NUP210L: variants seen among roughly 807,000 people sequenced by gnomAD.
The protein encoded by NUP210L is nuclear pore membrane glycoprotein 210-like.
In NUP210L, 74 loss-of-function variants were observed where a neutral mutation model predicts 208.5. That is an observed-to-expected ratio of 0.35 (90% confidence interval 0.29 to 0.43). The LOEUF (loss-of-function observed/expected upper bound fraction) is 0.43. Ranked by LOEUF, NUP210L falls within the 20% of genes least tolerant of loss-of-function variation. NUP210L has a pLI of 1.00. For missense variants in NUP210L, 1,843 were observed against 2,289.4 expected (o/e 0.81, Z 3.98); for synonymous variants, 780 against 816.9 (o/e 0.95, Z 0.77).
At chr1:154,134,491 A>G (rs1432512661) in intron 7 of NUP210L, among the ~76,000 whole-genome samples, 2 of 143,484 alleles carry the variant, frequency 1.4e-5, no homozygotes, top group East Asian at 4.1e-4. Context: ...TAATCCCAGC[A>G]CTTTGGGAGG....
intron 37 of NUP210L, among the ~76,000 whole-genome samples, chr1:154,000,019 C>G (rs1212711010): frequency 6.6e-6 from 1 of 151,584 alleles, no homozygotes; most frequent in African/African-American, 2.4e-5. Flanking sequence ...TTTGTTGATA[C>G]AGAGTTTTGC....
chr1:154,060,810 TTA>T, intron 19 of NUP210L, 130 bp downstream of exon 19: 2 of 745,360 alleles, frequency 2.7e-6, no homozygotes, highest in Admixed American at 2.7e-5. Context: ...AGTGCAACTA[TTA>T]TATATGTGTT....
chr1:154,117,746 G>A (rs1262360582), exon 12 of NUP210L: 1 of 1,562,734 alleles, frequency 6.4e-7, no homozygotes, highest in Non-Finnish European at 8.7e-7. Flanking sequence ...CATATCGAAA[G>A]GGATTTTGTA....
chr1:154,132,908 T>A (rs930674807), intron 7 of NUP210L, among the ~76,000 whole-genome samples: 1 of 152,206 alleles, frequency 6.6e-6, no homozygotes, highest in Non-Finnish European at 1.5e-5. Flanking sequence ...CTTTCAAGTC[T>A]GATAGAATTT....
chr1:154,121,252 A>G (rs952938582), intron 10 of NUP210L, among the ~76,000 whole-genome samples: 1 of 152,140 alleles, frequency 6.6e-6, no homozygotes, highest in Non-Finnish European at 1.5e-5. Flanking sequence ...TACAGGTAAT[A>G]ATTTAAACAG....
At chr1:154,072,784 G>T (rs1456178093) in intron 16 of NUP210L, among the ~76,000 whole-genome samples, 1 of 152,088 alleles carries the variant, frequency 6.6e-6, no homozygotes, top group Non-Finnish European at 1.5e-5. Context: ...GATGGATCAA[G>T]GACTAAAATC....
intron 10 of NUP210L, among the ~76,000 whole-genome samples, chr1:154,123,906 G>A (rs921677712): frequency 6.6e-6 from 1 of 150,464 alleles, no homozygotes; most frequent in African/African-American, 2.4e-5. Flanking sequence ...GAGAGAGGCT[G>A]GGCGCGGTGG....
At chr1:154,045,628 CA>C (rs1653130361) in intron 27 of NUP210L, among the ~76,000 whole-genome samples, 1 of 152,084 alleles carries the variant, frequency 6.6e-6, no homozygotes, top group African/African-American at 2.4e-5. Context: ...GTTCAGAGAA[CA>C]GTAGGAAAAG....
At chr1:154,133,284 G>A (rs1254356218) in intron 7 of NUP210L, among the ~76,000 whole-genome samples, 2 of 152,140 alleles carry the variant, frequency 1.3e-5, no homozygotes, top group Non-Finnish European at 2.9e-5. Context: ...GACTGGGTGT[G>A]GTGGATCACA....
At chr1:154,123,021 A>G (rs1027629655) in intron 10 of NUP210L, among the ~76,000 whole-genome samples, 1 of 145,088 alleles carries the variant, frequency 6.9e-6, no homozygotes, top group Non-Finnish European at 1.5e-5. Flanking sequence ...ACTGCAATCC[A>G]CCCTGGGTAA....
At chr1:154,134,828 C>CG (rs1455700916) in intron 7 of NUP210L, among the ~76,000 whole-genome samples, 5 of 149,530 alleles carry the variant, frequency 3.3e-5, no homozygotes, top group African/African-American at 9.8e-5. Context: ...CTCCACTTCC[C>CG]GGGGGTTCAA....
chr1:154,141,267 A>C (rs1658841450), intron 4 of NUP210L, among the ~76,000 whole-genome samples, 164 bp downstream of exon 4: 1 of 152,224 alleles, frequency 6.6e-6, no homozygotes, highest in South Asian at 2.1e-4. Flanking sequence ...CATCTATGTC[A>C]TATTTCATTC....
chr1:153,995,226 A>T (rs1442436232), intron 37 of NUP210L, 46 bp from the exon 38 acceptor site: 2 of 1,284,142 alleles, frequency 1.6e-6, no homozygotes, highest in African/African-American at 3.0e-5. Flanking sequence ...AATAGCAACC[A>T]TGGGCAGATG....
At chr1:154,075,836 C>A (rs1015971753) in intron 16 of NUP210L, among the ~76,000 whole-genome samples, 2 of 151,554 alleles carry the variant, frequency 1.3e-5, no homozygotes, top group South Asian at 4.2e-4. Flanking sequence ...ATTGCCCAGG[C>A]TGGAATGCAG....
intron 1 of NUP210L, among the ~76,000 whole-genome samples, chr1:154,153,206 A>T (rs1332915882): frequency 6.6e-6 from 1 of 152,174 alleles, no homozygotes; most frequent in African/African-American, 2.4e-5. Flanking sequence ...GTTTCCTTCA[A>T]TCCTAGAAAC....
chr1:154,140,485 G>A (rs1288738415), intron 4 of NUP210L, among the ~76,000 whole-genome samples: 1 of 151,406 alleles, frequency 6.6e-6, no homozygotes, highest in African/African-American at 2.4e-5. Flanking sequence ...TGGCCAATAT[G>A]GCGAAACCCC....
At chr1:154,115,741 G>A (rs1010595995) in intron 12 of NUP210L, among the ~76,000 whole-genome samples, 1 of 151,978 alleles carries the variant, frequency 6.6e-6, no homozygotes, top group African/African-American at 2.4e-5. Context: ...ATCTCTGAAT[G>A]TCCAATAATA....
At chr1:154,029,677 C>T (rs1331368219) in intron 28 of NUP210L, among the ~76,000 whole-genome samples, 4 of 152,026 alleles carry the variant, frequency 2.6e-5, no homozygotes, top group South Asian at 2.1e-4. Context: ...GCAACAAGAG[C>T]GAAACTCCGT....
chr1:154,083,071 T>G (rs1655431786), intron 16 of NUP210L, among the ~76,000 whole-genome samples: 1 of 152,134 alleles, frequency 6.6e-6, no homozygotes. Flanking sequence ...AGCAGCAAGA[T>G]TTACTGTGAA....
Sources: allele counts gnomAD v4.1 joint callset (sites outside exome capture counted in the v4.1 genomes callset), GRCh38; gene constraint gnomAD v4.1.1; transcripts MANE v1.5; gene names NCBI Gene and HGNC (gene_info 2026-07-23, HGNC 2026-07-21).